Variants in FBXO31 observed in about 807,000 individuals in gnomAD.
The protein encoded by FBXO31 is F-box protein 31, also known as F-box only protein 31.
FBXO31 carries 24 observed loss-of-function variants against 54.4 expected under a neutral mutation model. That is an observed-to-expected ratio of 0.44 (90% confidence interval 0.32 to 0.62). FBXO31 has a LOEUF of 0.62. Among genes scored for constraint, FBXO31 ranks in the 20% least tolerant of loss-of-function variants. FBXO31 has a pLI of 0.05. For synonymous variants in FBXO31, 388 were observed against 335.6 expected, an observed-to-expected ratio of 1.16 and a Z score of -1.71; for missense variants, 665 against 787.1, an observed-to-expected ratio of 0.84 and a Z score of 1.86.
intron 5 of FBXO31, among the ~76,000 whole-genome samples, chr16:87,340,473 T>G (rs1421030189): frequency 6.6e-6 from 1 of 152,226 alleles, no homozygotes; most frequent in African/African-American, 2.4e-5. Flanking sequence ...AGATCAGGTC[T>G]GCACAGAACC....
At chr16:87,349,355 C>A (rs1388906641) in intron 2 of FBXO31, among the ~76,000 whole-genome samples, 1 of 152,186 alleles carries the variant, frequency 6.6e-6, no homozygotes, top group Non-Finnish European at 1.5e-5. Flanking sequence ...GCTGACACAA[C>A]CGTGAAAGGC....
In FBXO31 at chr16:87,335,258, G is replaced by A; in HGVS notation, c.996+46C>T. On this transcript the variant is annotated intron_variant, in intron 7 of 8. Coordinates refer to ENST00000311635, the MANE Select transcript of FBXO31 (RefSeq NM_024735.5). This position sits in a 1 kb window ranked among gnomAD's most constrained non-coding sequence, Gnocchi z 5.7. ...TTCCCTGACTCCACAGCCCACTTGG[G>A]CCAGGTGCCCCCAGAGCCCCACCAA... 1.2e-6 allele frequency: 2 copies of A among 1,607,864 alleles called. No homozygotes were observed. The highest frequency in any genetic ancestry group is 1.7e-6 in the Non-Finnish European group (2 of 1,179,690).
upstream of FBXO31, among the ~76,000 whole-genome samples, chr16:87,385,028 A>C (rs1016620637): frequency 1.4e-4 from 21 of 150,080 alleles, no homozygotes; most frequent in African/African-American, 2.7e-4. Flanking sequence ...ACAAACAAAC[A>C]AACCACACAG....
chr16:87,352,089 T>C (rs1419337461), intron 2 of FBXO31, among the ~76,000 whole-genome samples: 1 of 152,190 alleles, frequency 6.6e-6, no homozygotes, highest in African/African-American at 2.4e-5. Flanking sequence ...CTGTGATGTG[T>C]GGCCAAGCTG....
At chr16:87,368,830 G>C (rs537422791) in intron 1 of FBXO31, among the ~76,000 whole-genome samples, 5 of 152,088 alleles carry the variant, frequency 3.3e-5, no homozygotes, top group African/African-American at 1.2e-4. Flanking sequence ...ATAGAGTTTC[G>C]CTCTTGTTGC....
At chr16:87,361,717 C>A (rs1300435075) in intron 1 of FBXO31, among the ~76,000 whole-genome samples, 1 of 152,218 alleles carries the variant, frequency 6.6e-6, no homozygotes, top group Admixed American at 6.5e-5. Flanking sequence ...GCTATTACCC[C>A]AAATGCTTCT....
rs973057564 is a variant in FBXO31 at position 87,345,077 on chromosome 16, T to C, written c.490-1312A>G. 2.0e-5 allele frequency among the ~76,000 whole-genome samples: 3 copies of C among 151,750 alleles called. No homozygotes were observed. In the East Asian group the frequency reaches 5.8e-4, roughly 29 times the overall value. ...AGAGGAGCCATCTGCCCAGGGGCCATGCATGCCAGGCCTGGAAGAACCTGT... is the reference window on the plus strand; with the variant it reads ...AGAGGAGCCATCTGCCCAGGGGCCACGCATGCCAGGCCTGGAAGAACCTGT... On this transcript the variant is annotated intron_variant, in intron 3 of 8. Coordinates refer to ENST00000311635, the MANE Select transcript of FBXO31 (RefSeq NM_024735.5). The surrounding 1 kb of genome is among the most constrained non-coding windows in gnomAD (Gnocchi z 4.9).
Position 87,360,475 on chromosome 16 carries a change from C to T in FBXO31, c.341-109G>A, listed in dbSNP as rs1371284438. 1.3e-5 allele frequency: 11 copies of T among 852,202 alleles called. 1 individual carries two copies. The East Asian group carries it at 1.8e-4, about 14-fold the overall frequency. The allele number at this position is 852,202 out of a possible 1,614,324, so 52.8% of individuals were successfully genotyped here. On this transcript the variant is annotated intron_variant, in intron 1 of 8. Coordinates refer to ENST00000311635, the MANE Select transcript of FBXO31 (RefSeq NM_024735.5). ...GGAGGTGCACACCTAGCCTCAGCCCCATCTCCAGAGTGCATCTGTCACTGT... is the reference window on the plus strand; with the variant it reads ...GGAGGTGCACACCTAGCCTCAGCCCTATCTCCAGAGTGCATCTGTCACTGT...
chr16:87,378,998 T>C (rs1906954306), intron 1 of FBXO31, among the ~76,000 whole-genome samples: 2 of 150,220 alleles, frequency 1.3e-5, no homozygotes, highest in South Asian at 2.1e-4. Context: ...GATATAGACA[T>C]AGATATAGAT....
Position 87,336,166 on chromosome 16 carries a change from G to A in FBXO31, c.831C>T (p.Thr277=). 1 of 1,613,938 alleles carries A rather than the reference G, an allele frequency of 6.2e-7. No homozygotes were observed. The highest frequency in any genetic ancestry group is 8.5e-7 in the Non-Finnish European group (1 of 1,179,806). ...GGAGCCGCACTCACTCGTACTGACTGGTGTAGATGAACTTCATCAGGATGA... is the reference window on the plus strand; with the variant it reads ...GGAGCCGCACTCACTCGTACTGACTAGTGTAGATGAACTTCATCAGGATGA... ...QELILMKFIY[T]SQYDNCLTYR... Residue 277 remains threonine, a synonymous_variant, in exon 6 of 9, where the codon ACC becomes ACT. Coordinates refer to ENST00000311635, the MANE Select transcript of FBXO31 (RefSeq NM_024735.5). The surrounding 1 kb of genome is among the most constrained non-coding windows in gnomAD (Gnocchi z 6.5).
intron 2 of FBXO31, among the ~76,000 whole-genome samples, chr16:87,350,107 A>C (rs1024783751): frequency 6.6e-6 from 1 of 152,040 alleles, no homozygotes; most frequent in Non-Finnish European, 1.5e-5. Flanking sequence ...TGACTGGACG[A>C]ATGGGCAGGA....
At position 87,383,686 on chromosome 16, in the gene FBXO31, T is replaced by C; in HGVS notation, c.59A>G (p.Gln20Arg). ...CGTCTCGGCCGGGCCCCGGCGCTGC[T>C]GGCGGCGCCGACATCCGCGCGACGG... ...VGPSRGCRRRQQRRGPAETAA... is the reference protein window; with the variant it reads ...VGPSRGCRRRRQRRGPAETAA... Residue 20 changes from glutamine to arginine, a missense_variant, in exon 1 of 9, where the codon CAG (glutamine) becomes CGG (arginine). Gln to Arg is a conservative substitution (Grantham distance 43, BLOSUM62 1). Transcript: ENST00000311635. This position sits in a 1 kb window ranked among gnomAD's most constrained non-coding sequence, Gnocchi z 4.9. 13 of 1,277,226 alleles carry C rather than the reference T, an allele frequency of 1.0e-5. No individual in the cohort carries two copies. The highest frequency in any genetic ancestry group is 1.2e-5 in the Non-Finnish European group (12 of 1,018,712). The allele number at this position is 1,277,226 out of a possible 1,614,324, so 79.1% of individuals were successfully genotyped here.
intron 1 of FBXO31, among the ~76,000 whole-genome samples, chr16:87,377,850 T>C (rs140313119): frequency 0.018 from 2,683 of 148,900 alleles, 43 homozygotes; most frequent in Non-Finnish European, 0.028. Flanking sequence ...AGAAAAAACA[T>C]GTATATATAA....
At chr16:87,389,100 A>G (rs1477943223) in intron 1 of FBXO31, among the ~76,000 whole-genome samples, 1 of 151,966 alleles carries the variant, frequency 6.6e-6, no homozygotes, top group Non-Finnish European at 1.5e-5. Flanking sequence ...CAAAAGTTAC[A>G]TGAAGTTGTT....
At chr16:87,350,292 T>C (rs1462015392) in intron 2 of FBXO31, among the ~76,000 whole-genome samples, 1 of 152,106 alleles carries the variant, frequency 6.6e-6, no homozygotes, top group African/African-American at 2.4e-5. Context: ...CTCAAGCCTT[T>C]GGAGAAGACG....
At chr16:87,354,530 T>C (rs763428444) in intron 2 of FBXO31, among the ~76,000 whole-genome samples, 1 of 151,240 alleles carries the variant, frequency 6.6e-6, no homozygotes, top group African/African-American at 2.4e-5. Context: ...GAAGCAGATG[T>C]ATCAGATCTG....
intron 1 of FBXO31, among the ~76,000 whole-genome samples, chr16:87,382,237 C>T (rs892032317): frequency 2.0e-5 from 3 of 152,220 alleles, no homozygotes; most frequent in African/African-American, 4.8e-5. Context: ...GTTTACACTA[C>T]ACTGTCTCTA....
Position 87,329,342 on chromosome 16 carries a change from T to G in FBXO31, c.*1946A>C, listed in dbSNP as rs762266325. 1.3e-5 allele frequency: 2 copies of G among 152,270 alleles called. No individual in the cohort carries two copies. Among genetic ancestry groups the G allele is most frequent in the Admixed American group, 6.5e-5 (1 of 15,294 alleles). 9.4% of individuals were successfully genotyped at this position (152,270 alleles called of 1,614,324 possible). A position where few individuals can be genotyped will look rare whatever the true frequency, so the allele number is the denominator to read the frequency against. On this transcript the variant is annotated 3_prime_UTR_variant, in exon 9 of 9. Transcript: ENST00000311635. ...CCAAACACTGGAAGCGTAATTGAGA[T>G]CTGAGATTCCTTTAATCAGAAGCAC... is the stretch of plus-strand genomic sequence containing the variant.
At position 87,335,539 on chromosome 16, in the gene FBXO31, T is replaced by G. The variant is rs1905021886; in HGVS notation, c.843-82A>C. ...ACGCCCAAGGTGCCAGGGATGAGCTTTGCAGGGCGGGGTAGGGCGGGCAGC... is the reference window on the plus strand; with the variant it reads ...ACGCCCAAGGTGCCAGGGATGAGCTGTGCAGGGCGGGGTAGGGCGGGCAGC... On this transcript the variant is annotated intron_variant, in intron 6 of 8. Coordinates refer to ENST00000311635, the MANE Select transcript of FBXO31 (RefSeq NM_024735.5). The surrounding 1 kb of genome is among the most constrained non-coding windows in gnomAD (Gnocchi z 5.7). 1 of 1,354,118 alleles carries G rather than the reference T, an allele frequency of 7.4e-7. No homozygotes were observed. The highest frequency in any genetic ancestry group is 1.0e-6 in the Non-Finnish European group (1 of 993,904). The allele number at this position is 1,354,118 out of a possible 1,614,324, so 83.9% of individuals were successfully genotyped here.
Sources: allele counts gnomAD v4.1 joint callset (sites outside exome capture counted in the v4.1 genomes callset), GRCh38; gene constraint gnomAD v4.1.1; non-coding constraint Gnocchi (gnomAD v3.1); transcripts MANE v1.5; gene names NCBI Gene and HGNC (gene_info 2026-07-23, HGNC 2026-07-21).